The following ITGB3 variants were observed in gnomAD, a reference collection of about 807,000 sequenced individuals.
The protein encoded by ITGB3 is integrin beta-3.
A neutral mutation model predicts 85.8 loss-of-function variants in ITGB3; 48 were observed. The ratio of observed to expected loss-of-function variants is 0.56; its 90% CI spans 0.44 to 0.71. ITGB3 has a LOEUF of 0.71. ITGB3 is among the 30% of genes least tolerant of loss of function. ITGB3 has a pLI of 0.00. For missense variants in ITGB3, 861 were observed against 1,019.1 expected (o/e 0.84, Z 2.11); for synonymous variants, 363 against 395.6 (o/e 0.92, Z 0.98).
chr17:47,305,653 T>C (rs1171266094), intron 13 of ITGB3: 2 of 152,236 alleles, frequency 1.3e-5, no homozygotes, highest in African/African-American at 4.8e-5. Flanking sequence ...TGATTTTAGA[T>C]GACTAAGTAT....
intron 1 of ITGB3, among the ~76,000 whole-genome samples, chr17:47,258,718 C>T (rs2064999019): frequency 1.3e-5 from 2 of 152,166 alleles, no homozygotes; most frequent in Non-Finnish European, 2.9e-5. Context: ...GTTGGGATTA[C>T]AGGCGTGAGC....
chr17:47,279,105 A>G (rs868736722), intron 2 of ITGB3, among the ~76,000 whole-genome samples: 68 of 152,310 alleles, frequency 4.5e-4, no homozygotes, highest in Middle Eastern at 3.4e-3. Flanking sequence ...TACTTTCCCA[A>G]TTTCCAAAAT....
intron 6 of ITGB3, among the ~76,000 whole-genome samples, chr17:47,288,611 G>T (rs1244008826): frequency 6.6e-6 from 1 of 152,090 alleles, no homozygotes; most frequent in African/African-American, 2.4e-5. Context: ...CAAGGTCTAG[G>T]ATCCCATGGA....
At chr17:47,308,946 T>TCCCTC (rs1333716917) in intron 14 of ITGB3, among the ~76,000 whole-genome samples, 2 of 138,740 alleles carry the variant, frequency 1.4e-5, no homozygotes, top group Non-Finnish European at 3.1e-5. Flanking sequence ...CCTCTCCCAT[T>TCCCTC]CCCTCCCCTC....
rs534109481 is a variant in ITGB3 at position 47,313,067 on chromosome 17, A to G, written c.*2863A>G. On this transcript the variant is annotated 3_prime_UTR_variant, in exon 15 of 15. Transcript: ENST00000559488. ...CAGTTCACTGCAATCTCTGCCTCTC[A>G]GGTTCAAGCCATTCTCCTGCCTCAG... is the stretch of plus-strand genomic sequence containing the variant. Among the ~76,000 whole-genome samples the G allele has an allele frequency of 5.8e-4, 88 of 152,166 alleles. No homozygotes were observed. The highest frequency in any genetic ancestry group is 2.0e-3 in the African/African-American group (82 of 41,520).
intron 12 of ITGB3, among the ~76,000 whole-genome samples, chr17:47,300,817 C>A (rs2065164752): frequency 6.6e-6 from 1 of 152,154 alleles, no homozygotes; most frequent in African/African-American, 2.4e-5. Context: ...CCCACAGACT[C>A]AGCAAGAGCC....
intron 10 of ITGB3, among the ~76,000 whole-genome samples, chr17:47,296,250 G>T (rs1221887117): frequency 2.0e-5 from 3 of 152,172 alleles, no homozygotes; most frequent in Non-Finnish European, 4.4e-5. Context: ...CATCCTTCCT[G>T]GGAAGCAGAC....
intron 6 of ITGB3, among the ~76,000 whole-genome samples, chr17:47,288,704 C>T (rs747498165): frequency 6.6e-6 from 1 of 152,294 alleles, no homozygotes; most frequent in East Asian, 1.9e-4. Context: ...CACTACCAGA[C>T]AATGAGTCAG....
At chr17:47,308,184 T>TAATAATAATAATAATAATAATAATAATAA (rs151170176) in intron 14 of ITGB3, among the ~76,000 whole-genome samples, 147 of 148,678 alleles carry the variant, frequency 9.9e-4, no homozygotes, top group African/African-American at 3.5e-3. Context: ...ATAATAATAA[T>TAATAATAATAATAATAATAATAATAATAA]AATAAAATAA....
In ITGB3 at chr17:47,299,631, C is replaced by A; in HGVS notation, c.1913+101C>A. Reference sequence around the variant, plus strand: ...CAGGTGTGTTTCTTGCTCACCAGAGCCTTAGGGAGAGGAGTCCACTCCAGC... The same window carrying A: ...CAGGTGTGTTTCTTGCTCACCAGAGACTTAGGGAGAGGAGTCCACTCCAGC... On this transcript the variant is annotated intron_variant, in intron 11 of 14. Coordinates refer to ENST00000559488, the MANE Select transcript of ITGB3 (RefSeq NM_000212.3). This position sits in a 1 kb window ranked among gnomAD's most constrained non-coding sequence, Gnocchi z 5.1. The A allele has an allele frequency of 1.8e-6, 2 of 1,133,286 alleles. No homozygotes were observed. The highest frequency in any genetic ancestry group is 2.6e-6 in the Non-Finnish European group (2 of 769,328). The allele number at this position is 1,133,286 out of a possible 1,614,324, so 70.2% of individuals were successfully genotyped here. A position where few individuals can be genotyped will look rare whatever the true frequency, so the allele number is the denominator to read the frequency against.
rs1448851289 is a variant in ITGB3 at position 47,311,507 on chromosome 17, G to T, written c.*1303G>T. 1 of 152,284 alleles carries T rather than the reference G, an allele frequency of 6.6e-6. No homozygotes were observed. Among genetic ancestry groups the T allele is most frequent in the Admixed American group, 6.5e-5 (1 of 15,284 alleles). The allele number at this position is 152,284 out of a possible 1,614,324, so 9.4% of individuals were successfully genotyped here. On this transcript the variant is annotated 3_prime_UTR_variant, in exon 15 of 15. Transcript: ENST00000559488. Reference sequence around the variant, plus strand: ...ATATAAACATGCTTGCATTATATTTGTAAATTTATGTGATGGCAAAGAAGG... The same window carrying T: ...ATATAAACATGCTTGCATTATATTTTTAAATTTATGTGATGGCAAAGAAGG...
At chr17:47,292,765 A>G (rs1002349435) in intron 10 of ITGB3, among the ~76,000 whole-genome samples, 197 bp downstream of exon 10, 3 of 152,214 alleles carry the variant, frequency 2.0e-5, no homozygotes. Flanking sequence ...TGGCAATTAA[A>G]TTTTTAGCAT....
chr17:47,306,165 G>A (rs1279943330), intron 13 of ITGB3, among the ~76,000 whole-genome samples: 1 of 152,184 alleles, frequency 6.6e-6, no homozygotes, highest in Non-Finnish European at 1.5e-5. Context: ...AGAGTGGTGG[G>A]GATTCTGGTA....
intron 9 of ITGB3, among the ~76,000 whole-genome samples, chr17:47,291,754 T>C (rs1007253769): frequency 1.3e-5 from 2 of 152,196 alleles, no homozygotes. Flanking sequence ...CCATGTGGGA[T>C]TGTGTGGTGC....
chr17:47,304,326 C>A (rs988834840), intron 13 of ITGB3, among the ~76,000 whole-genome samples: 1 of 152,224 alleles, frequency 6.6e-6, no homozygotes, highest in Admixed American at 6.5e-5. Flanking sequence ...GATTCTCTTT[C>A]TCTTCCCCAA....
At chr17:47,276,703 C>A (rs2065065108) in intron 2 of ITGB3, among the ~76,000 whole-genome samples, 1 of 152,010 alleles carries the variant, frequency 6.6e-6, no homozygotes, top group Admixed American at 6.6e-5. Flanking sequence ...AATGTGGTGA[C>A]CGGGGAGGGA....
intron 1 of ITGB3, among the ~76,000 whole-genome samples, chr17:47,264,449 A>G (rs1279755280): frequency 6.6e-6 from 1 of 152,180 alleles, no homozygotes; most frequent in African/African-American, 2.4e-5. Context: ...GGATTATTTT[A>G]GTACATTTCT....
At chr17:47,304,535 A>G (rs2065179944) in intron 13 of ITGB3, among the ~76,000 whole-genome samples, 1 of 152,268 alleles carries the variant, frequency 6.6e-6, no homozygotes, top group African/African-American at 2.4e-5. Flanking sequence ...ACACAATGAT[A>G]GTAAAAAATA....
At chr17:47,254,453 A>G (rs2149057346) in intron 1 of ITGB3, among the ~76,000 whole-genome samples, 1 of 152,250 alleles carries the variant, frequency 6.6e-6, no homozygotes, top group South Asian at 2.1e-4. Context: ...TTTCTCCAGA[A>G]GGTTTTTTCT....
Sources: allele counts gnomAD v4.1 joint callset (sites outside exome capture counted in the v4.1 genomes callset), GRCh38; gene constraint gnomAD v4.1.1; non-coding constraint Gnocchi (gnomAD v3.1); transcripts MANE v1.5; gene names NCBI Gene and HGNC (gene_info 2026-07-23, HGNC 2026-07-21).